TUB: variants seen among roughly 807,000 people sequenced by gnomAD.
TUB encodes the protein TUB bipartite transcription factor, also known as tubby protein homolog.
Under a neutral mutation model 59.7 loss-of-function variants are expected in TUB, and 33 were observed. The ratio of observed to expected loss-of-function variants is 0.55; its 90% CI spans 0.42 to 0.74. The LOEUF (loss-of-function observed/expected upper bound fraction) is 0.74. Ranked by LOEUF, TUB falls within the 30% of genes least tolerant of loss-of-function variation. The pLI is 0.00. For missense variants in TUB, 659 were observed against 672.0 expected (o/e 0.98, Z 0.21); for synonymous variants, 293 against 256.4 (o/e 1.14, Z -1.36).
chr11:8,039,227 T>C (rs1382219756), intron 1 of TUB, among the ~76,000 whole-genome samples: 1 of 152,062 alleles, frequency 6.6e-6, no homozygotes, highest in Non-Finnish European at 1.5e-5. Context: ...CAGGGAGGCT[T>C]CATTACTCCA....
At chr11:8,099,760 G>A (rs1944174729) in intron 9 of TUB, among the ~76,000 whole-genome samples, 1 of 152,210 alleles carries the variant, frequency 6.6e-6, no homozygotes, top group South Asian at 2.1e-4. Context: ...GAATGGCAGG[G>A]AGGGCGTCAC....
chr11:8,046,234 C>G (rs1251332972), intron 2 of TUB, among the ~76,000 whole-genome samples: 2 of 152,186 alleles, frequency 1.3e-5, no homozygotes, highest in Non-Finnish European at 2.9e-5. Flanking sequence ...CTTGCACCAC[C>G]TTTTGTCCAA....
rs372881525 is a variant in TUB at position 8,049,561 on chromosome 11, G to GTATATATATATATATATA, written c.203+9872_203+9889dup. On this transcript the variant is annotated intron_variant, in intron 2 of 12. Transcript: ENST00000305253. ...TTTAGAACCATGGTGGTATTATGTG[G>GTATATATATATATATATA]TATATATATATATATATATAGATAG... Among the ~76,000 whole-genome samples, 988 of 123,482 alleles carry GTATATATATATATATATA rather than the reference G, an allele frequency of 8.0e-3. 2 individuals are homozygous for GTATATATATATATATATA. The highest frequency in any genetic ancestry group is 0.017 in the Admixed American group (199 of 11,930). 81.0% of individuals were successfully genotyped at this position (123,482 alleles called of 152,430 possible).
chr11:8,088,964 C>G (rs1943717330), intron 1 of TUB, among the ~76,000 whole-genome samples: 1 of 152,342 alleles, frequency 6.6e-6, no homozygotes, highest in South Asian at 2.1e-4. Flanking sequence ...GCAGACACCT[C>G]TGTGTGGCCC....
chr11:8,023,630 G>A (rs1368678439), intron 1 of TUB, among the ~76,000 whole-genome samples: 2 of 152,196 alleles, frequency 1.3e-5, no homozygotes, highest in Non-Finnish European at 2.9e-5. Flanking sequence ...AACGCAATAG[G>A]TTTAAAATCA....
In TUB at chr11:8,094,049, A is replaced by C. The variant is rs1394795472; in HGVS notation, c.257A>C (p.Gln86Pro). 3 of 1,614,144 alleles carry C rather than the reference A, an allele frequency of 1.9e-6. No individual in the cohort carries two copies. The highest frequency in any genetic ancestry group is 2.5e-6 in the Non-Finnish European group (3 of 1,180,028). Residue 86 changes from glutamine (Q) to proline (P), a missense_variant, in exon 4 of 12, where the codon CAA (glutamine) becomes CCA (proline). Physicochemically the swap from Gln to Pro is moderately conservative, Grantham distance 76. This residue lies in a region of TUB where 321 missense variants were observed against 304.3 expected (regional missense o/e 1.05). Coordinates refer to ENST00000299506, the MANE Select transcript of TUB (RefSeq NM_177972.3). ...SSSGSTSYQVQEADSLASVQL... is the reference protein window; with the variant it reads ...SSSGSTSYQVPEADSLASVQL... ...TCTGGGGATGTTTCCTGAGCAGTTC[A>C]AGAGGCCGACTCACTCGCCAGTGTG... is the stretch of plus-strand genomic sequence containing the variant.
chr11:8,049,276 G>A (rs4758274), intron 2 of TUB, among the ~76,000 whole-genome samples: 35,077 of 151,994 alleles, frequency 0.23, 4,758 homozygotes, highest in East Asian at 0.5. Context: ...AAGAGCTGAG[G>A]CTTCCACAGC....
At chr11:8,025,339 G>A (rs957018827) in intron 1 of TUB, among the ~76,000 whole-genome samples, 7 of 152,164 alleles carry the variant, frequency 4.6e-5, no homozygotes, top group Non-Finnish European at 2.9e-5. Flanking sequence ...AGAGGCGAGG[G>A]AATGAGTCAT....
At chr11:8,094,628 T>C (rs541783737) in intron 4 of TUB, among the ~76,000 whole-genome samples, 1 of 152,270 alleles carries the variant, frequency 6.6e-6, no homozygotes, top group South Asian at 2.1e-4. Flanking sequence ...TTCCCTTGAC[T>C]CCATATTCTA....
At chr11:8,056,183 A>C (rs1943017968) in intron 2 of TUB, among the ~76,000 whole-genome samples, 1 of 152,180 alleles carries the variant, frequency 6.6e-6, no homozygotes, top group Non-Finnish European at 1.5e-5. Flanking sequence ...CCTGACCTCC[A>C]GGGAAGCAAG....
At chr11:8,019,923 C>G (rs1403095842) in intron 1 of TUB, among the ~76,000 whole-genome samples, 1 of 152,172 alleles carries the variant, frequency 6.6e-6, no homozygotes, top group Non-Finnish European at 1.5e-5. Context: ...GAGCGGCGCT[C>G]TCGAGTTGCC....
chr11:8,055,644 G>A (rs1943008228), intron 2 of TUB, among the ~76,000 whole-genome samples: 1 of 152,250 alleles, frequency 6.6e-6, no homozygotes, highest in Admixed American at 6.5e-5. Flanking sequence ...GATGGGCTGG[G>A]GGTGGGGGCA....
At chr11:8,039,453 T>G (rs1425217523) in intron 1 of TUB, 3 of 408,564 alleles carry the variant, frequency 7.3e-6, no homozygotes, top group South Asian at 6.8e-5. Context: ...CTGCCTGCCA[T>G]CCGGGGCCCA....
upstream of TUB, among the ~76,000 whole-genome samples, chr11:8,037,426 T>C (rs914082105): frequency 8.5e-5 from 13 of 152,234 alleles, no homozygotes; most frequent in Admixed American, 7.2e-4. Flanking sequence ...TGCACCCTTC[T>C]TCCATGACCA....
chr11:8,027,608 G>C (rs544273967), intron 1 of TUB, among the ~76,000 whole-genome samples: 10 of 152,086 alleles, frequency 6.6e-5, no homozygotes, highest in African/African-American at 2.2e-4. Context: ...TCTGCCTCTC[G>C]GGTTCAAGCA....
At chr11:8,020,390 G>A (rs935971322) in intron 1 of TUB, among the ~76,000 whole-genome samples, 7 of 152,122 alleles carry the variant, frequency 4.6e-5, no homozygotes, top group African/African-American at 1.7e-4. Context: ...GACAGCCCTT[G>A]TTTGCCTAGA....
rs1431854759 is a variant in TUB at position 8,102,182 on chromosome 11, A to T, written c.*563A>T. On this transcript the variant is annotated 3_prime_UTR_variant, in exon 12 of 12. Coordinates refer to ENST00000299506, the MANE Select transcript of TUB (RefSeq NM_177972.3). The stretch of plus-strand genomic sequence containing the variant: ...GAAGGCCTCACTCAAGCCTGAGAGA[A>T]GTTGGGAGGGTGGTGGGGACAGGTA... 1.3e-5 allele frequency: 2 copies of T among 152,560 alleles called. No individual in the cohort carries two copies. Among genetic ancestry groups the T allele is most frequent in the Non-Finnish European group, 2.9e-5 (2 of 68,268 alleles). The allele number at this position is 152,560 out of a possible 1,614,324, so 9.5% of individuals were successfully genotyped here.
In TUB at chr11:8,047,883, G is replaced by A. The variant is rs1232620307; in HGVS notation, c.203+8191G>A. On this transcript the variant is annotated intron_variant, in intron 2 of 12. Coordinates refer to the TUB transcript ENST00000305253. Reference sequence around the variant, plus strand: ...AGATTTTAGAATAGGATGTGATGAAGGTCTTTGATGACTGTGATGTGCCAC... The same window carrying A: ...AGATTTTAGAATAGGATGTGATGAAAGTCTTTGATGACTGTGATGTGCCAC... Among the ~76,000 whole-genome samples the A allele has an allele frequency of 2.0e-5, 3 of 152,284 alleles. No homozygotes were observed. The East Asian group carries it at 5.8e-4, about 29-fold the overall frequency.
At chr11:8,024,393 A>T (rs1022453614) in intron 1 of TUB, among the ~76,000 whole-genome samples, 5 of 152,010 alleles carry the variant, frequency 3.3e-5, no homozygotes, top group African/African-American at 1.2e-4. Flanking sequence ...CTTCTCCCTG[A>T]TGAACTTCAC....
Sources: allele counts gnomAD v4.1 joint callset (sites outside exome capture counted in the v4.1 genomes callset), GRCh38; gene constraint gnomAD v4.1.1; regional missense constraint gnomAD v4.1.1; transcripts MANE v1.5; gene names NCBI Gene and HGNC (gene_info 2026-07-23, HGNC 2026-07-21).